Variants in SAV1 observed in about 807,000 individuals in gnomAD.
SAV1 encodes the protein salvador family WW domain containing protein 1.
SAV1 carries 23 observed loss-of-function variants against 47.3 expected under a neutral mutation model. The observed-to-expected ratio is 0.49, with a 90% CI of 0.35 to 0.69. The LOEUF is 0.69. Ranked by LOEUF, SAV1 falls within the 30% of genes least tolerant of loss-of-function variation. The pLI is 0.01. For missense variants in SAV1, 448 were observed against 457.4 expected (o/e 0.98, Z 0.19); for synonymous variants, 155 against 159.2 (o/e 0.97, Z 0.20).
Position 50,665,449 on chromosome 14 carries a change from C to T in SAV1, c.265G>A (p.Glu89Lys). The change falls in exon 2 of 5, where the codon GAA becomes AAA. Residue 89 changes from glutamate to lysine, a missense_variant. Physicochemically the swap from Glu to Lys is moderately conservative, Grantham distance 56. Transcript: ENST00000324679. ...GAAGGTGCAGATAATCTGTTGCTTT[C>T]TCTTCTCATTATTTCATGAGGTGTT... ...QRTPHEIMRR[E>K]SNRLSAPSYL... The T allele has an allele frequency of 6.2e-7, 1 of 1,613,672 alleles. No individual in the cohort carries two copies. The highest frequency in any genetic ancestry group is 8.5e-7 in the Non-Finnish European group (1 of 1,179,756).
intron 2 of SAV1, among the ~76,000 whole-genome samples, chr14:50,652,014 A>C (rs2039773566): frequency 6.6e-6 from 1 of 152,252 alleles, no homozygotes; most frequent in African/African-American, 2.4e-5. Context: ...TGTTTTATTC[A>C]GTAATCATAT....
chr14:50,646,680 T>C (rs3015497), intron 2 of SAV1, among the ~76,000 whole-genome samples: 79,155 of 139,146 alleles, frequency 0.57, 22,362 homozygotes, highest in East Asian at 0.73. Flanking sequence ...AGTGAAACTC[T>C]GTCTCAAAAA....
intron 4 of SAV1, among the ~76,000 whole-genome samples, chr14:50,638,688 T>C (rs926398073): frequency 6.6e-6 from 1 of 152,146 alleles, no homozygotes; most frequent in Non-Finnish European, 1.5e-5. Context: ...TGAGGACTAG[T>C]GTTTTGGTGT....
At chr14:50,653,368 C>T (rs1403034180) in intron 2 of SAV1, among the ~76,000 whole-genome samples, 6 of 152,086 alleles carry the variant, frequency 3.9e-5, no homozygotes, top group Admixed American at 3.3e-4. Context: ...CCCTTCTTTC[C>T]TATATGAACA....
Position 50,635,082 on chromosome 14 carries a change from C to A in SAV1, c.*101G>T. On this transcript the variant is annotated 3_prime_UTR_variant, in exon 5 of 5. Transcript: ENST00000324679. ...TAAAGTTAGAATTTTATAATTTCCACAAAGGAAGCAGCATTTATTAACCAG... is the reference window on the plus strand; with the variant it reads ...TAAAGTTAGAATTTTATAATTTCCAAAAAGGAAGCAGCATTTATTAACCAG... 1 of 783,414 alleles carries A rather than the reference C, an allele frequency of 1.3e-6. No individual in the cohort carries two copies. The highest frequency in any genetic ancestry group is 2.0e-6 in the Non-Finnish European group (1 of 490,312). The allele number at this position is 783,414 out of a possible 1,614,324, so 48.5% of individuals were successfully genotyped here.
At chr14:50,650,856 T>C (rs1265745111) in intron 2 of SAV1, among the ~76,000 whole-genome samples, 1 of 152,084 alleles carries the variant, frequency 6.6e-6, no homozygotes, top group Non-Finnish European at 1.5e-5. Flanking sequence ...ACCCTATCTC[T>C]ACTAAAATTA....
intron 1 of SAV1, chr14:50,667,327 G>GT (rs1566749963): frequency 6.8e-6 from 3 of 440,670 alleles, no homozygotes; most frequent in African/African-American, 4.0e-5. Context: ...GCTCTGCTGT[G>GT]TAAGAGTGAT....
At chr14:50,636,095 C>G (rs944348179) in intron 4 of SAV1, among the ~76,000 whole-genome samples, 5 of 152,076 alleles carry the variant, frequency 3.3e-5, no homozygotes, top group African/African-American at 1.2e-4. Flanking sequence ...TTTAAATTAC[C>G]CATTATTCTA....
chr14:50,654,042 C>G (rs2039792235), intron 2 of SAV1, among the ~76,000 whole-genome samples: 1 of 152,074 alleles, frequency 6.6e-6, no homozygotes, highest in Non-Finnish European at 1.5e-5. Flanking sequence ...GTGGAGGGTC[C>G]CGTCTCCATA....
In SAV1 at chr14:50,645,022, G is replaced by T; in HGVS notation, c.536-8C>A. 6.3e-7 allele frequency: 1 copy of T among 1,598,840 alleles called. No individual in the cohort carries two copies. The highest frequency in any genetic ancestry group is 8.5e-7 in the Non-Finnish European group (1 of 1,176,216). ...CAGCAACTCTCCCAATACCTACGGG[G>T]AAAGAGAAAATGATAGAGAAGAAAC... On this transcript the variant is annotated splice_polypyrimidine_tract_variant and splice_region_variant and intron_variant, in intron 2 of 4. Transcript: ENST00000324679.
chr14:50,656,688 C>T (rs925792933), intron 2 of SAV1, among the ~76,000 whole-genome samples: 2 of 152,080 alleles, frequency 1.3e-5, no homozygotes, highest in Non-Finnish European at 2.9e-5. Context: ...ATGATCCGCC[C>T]GTCTCAGCCT....
chr14:50,660,816 CAT>C (rs1170166871), intron 2 of SAV1, among the ~76,000 whole-genome samples: 6 of 152,186 alleles, frequency 3.9e-5, no homozygotes, highest in Non-Finnish European at 7.3e-5. Context: ...TTCGCTCCCA[CAT>C]GTGAGTAAGA....
At chr14:50,640,614 T>G (rs2140248886) in intron 4 of SAV1, 136 bp downstream of exon 4, 1 of 585,178 alleles carries the variant, frequency 1.7e-6, no homozygotes, top group African/African-American at 1.9e-5. Flanking sequence ...ACATCCTTTA[T>G]TCAAGTCACG....
intron 2 of SAV1, among the ~76,000 whole-genome samples, chr14:50,649,542 A>G (rs568473104): frequency 6.6e-6 from 1 of 152,352 alleles, no homozygotes; most frequent in East Asian, 1.9e-4. Flanking sequence ...TTTCACTCCC[A>G]TATTTTACTA....
At chr14:50,647,920 C>T (rs2039736064) in intron 2 of SAV1, among the ~76,000 whole-genome samples, 1 of 152,216 alleles carries the variant, frequency 6.6e-6, no homozygotes, top group South Asian at 2.1e-4. Flanking sequence ...TTTTCATATG[C>T]TACAGCAATC....
chr14:50,641,061 T>C, intron 3 of SAV1, among the ~76,000 whole-genome samples, 168 bp from the exon 4 acceptor site: 1 of 152,348 alleles, frequency 6.6e-6, no homozygotes, highest in East Asian at 1.9e-4. Flanking sequence ...GGCTGGTATT[T>C]AGTCTTTTCA....
chr14:50,654,197 C>T (rs899831287), intron 2 of SAV1, among the ~76,000 whole-genome samples: 1 of 152,186 alleles, frequency 6.6e-6, no homozygotes, highest in Non-Finnish European at 1.5e-5. Flanking sequence ...TGCTGTTTGA[C>T]AGCATTTTAC....
At chr14:50,656,411 T>C (rs2039812458) in intron 2 of SAV1, among the ~76,000 whole-genome samples, 1 of 151,780 alleles carries the variant, frequency 6.6e-6, no homozygotes, top group South Asian at 2.1e-4. Context: ...GAGATATCTA[T>C]TAATAATTTC....
Position 50,649,722 on chromosome 14 carries a change from G to A in SAV1, c.536-4708C>T, listed in dbSNP as rs76234614. 8.6e-3 allele frequency among the ~76,000 whole-genome samples: 1,312 copies of A among 152,248 alleles called. 14 individuals are homozygous for A. Among genetic ancestry groups the A allele is most frequent in the African/African-American group, 0.03 (1,229 of 41,548 alleles). ...CATTATTTGTAACAGTTGCACCCCA[G>A]ACAAAATTTTAACATAAATTTGAAT... On this transcript the variant is annotated intron_variant, in intron 2 of 4. Transcript: ENST00000324679.
Sources: gnomAD v4.1 joint callset for allele counts (sites outside exome capture counted in the v4.1 genomes callset) on GRCh38, gnomAD v4.1.1 for gene constraint, MANE v1.5 for transcripts, NCBI Gene and HGNC (gene_info 2026-07-23, HGNC 2026-07-21) for gene names.